PDE1A: variants seen among roughly 807,000 people sequenced by gnomAD.
PDE1A encodes the protein phosphodiesterase 1A.
A neutral mutation model predicts 61.7 loss-of-function variants in PDE1A; 35 were observed. The ratio of observed to expected loss-of-function variants is 0.57; its 90% CI spans 0.43 to 0.75. The LOEUF is 0.75. PDE1A is among the 30% of genes least tolerant of loss of function. The probability of loss-of-function intolerance (pLI) is 0.00; values close to 1 mark genes in which losing one functional copy is unlikely to be tolerated. For synonymous variants in PDE1A, 232 were observed against 213.2 expected (o/e 1.09, Z -0.77); for missense variants, 597 against 630.6 (o/e 0.95, Z 0.57).
At chr2:182,437,001 A>G (rs1280494527) in intron 2 of PDE1A, among the ~76,000 whole-genome samples, 2 of 151,976 alleles carry the variant, frequency 1.3e-5, no homozygotes, top group East Asian at 3.9e-4. Context: ...CCTAGCAGGA[A>G]TTGAGACTTG....
At chr2:182,570,489 G>A in the PDE1A span, among the ~76,000 whole-genome samples, 6 of 152,058 alleles carry the variant, frequency 3.9e-5, no homozygotes, top group African/African-American at 1.4e-4. Context: ...TCTTCACTCA[G>A]GTCTTTACAA....
intron 2 of PDE1A, among the ~76,000 whole-genome samples, chr2:182,486,212 C>T (rs1055578249): frequency 6.6e-6 from 1 of 151,804 alleles, no homozygotes; most frequent in Non-Finnish European, 1.5e-5. Flanking sequence ...CAAAAATCAT[C>T]AAAAAGTGTA....
chr2:182,394,630 G>C (rs1701600713), intron 1 of PDE1A, among the ~76,000 whole-genome samples: 1 of 152,142 alleles, frequency 6.6e-6, no homozygotes, highest in African/African-American at 2.4e-5. Context: ...GTTAAAGTAG[G>C]GTTTGTGAAT....
intron 10 of PDE1A, among the ~76,000 whole-genome samples, chr2:182,199,565 T>C (rs1267436787): frequency 6.6e-6 from 1 of 152,102 alleles, no homozygotes; most frequent in Non-Finnish European, 1.5e-5. Context: ...AAAATCTTTG[T>C]ATCTCTTTAT....
the PDE1A span, among the ~76,000 whole-genome samples, chr2:182,688,749 T>C: frequency 6.6e-6 from 1 of 151,786 alleles, no homozygotes; most frequent in Non-Finnish European, 1.5e-5. Context: ...GGATAAAGAG[T>C]CAAGACCCAT....
rs186967710 is a variant in PDE1A, at chr2:182,212,518, G to C, written c.777-6453C>G. On this transcript the variant is annotated intron_variant, in intron 7 of 13. Coordinates refer to ENST00000351439, the Ensembl canonical transcript of PDE1A. ...CATCTGAGGTACCGGGTTCATCTCA[G>C]TAGGGAGTGCCAGACAGTGGGCACA... Among the ~76,000 whole-genome samples the C allele has an allele frequency of 5.0e-3, 761 of 152,154 alleles. 6 individuals carry two copies. Among genetic ancestry groups the C allele is most frequent in the African/African-American group, 0.017 (692 of 41,526 alleles).
At chr2:182,510,472 T>A (rs1689712322) in intron 2 of PDE1A, among the ~76,000 whole-genome samples, 1 of 152,236 alleles carries the variant, frequency 6.6e-6, no homozygotes, top group Non-Finnish European at 1.5e-5. Flanking sequence ...CATATTACAT[T>A]TGACTAGCTA....
chr2:182,265,359 G>A (rs12693300), intron 1 of PDE1A, among the ~76,000 whole-genome samples: 40,280 of 152,022 alleles, frequency 0.26, 5,492 homozygotes, highest in Middle Eastern at 0.37. Context: ...ATTATTCACT[G>A]TATAAAGCAA....
At chr2:182,150,199 G>T (rs967494158) in intron 13 of PDE1A, among the ~76,000 whole-genome samples, 1 of 152,164 alleles carries the variant, frequency 6.6e-6, no homozygotes, top group South Asian at 2.1e-4. Context: ...TGAGGAGAAT[G>T]ATAAATTTCA....
chr2:182,530,098 C>G, the PDE1A span, among the ~76,000 whole-genome samples: 1 of 152,166 alleles, frequency 6.6e-6, no homozygotes. Context: ...ATTGCAAACT[C>G]TTACTAAAAA....
chr2:182,377,713 C>A (rs1056153726), intron 1 of PDE1A, among the ~76,000 whole-genome samples: 6 of 152,116 alleles, frequency 3.9e-5, no homozygotes, highest in Non-Finnish European at 7.4e-5. Flanking sequence ...AAATATGTGT[C>A]CACAAAAAGA....
intron 2 of PDE1A, among the ~76,000 whole-genome samples, chr2:182,473,996 A>T (rs1687201456): frequency 6.6e-6 from 1 of 151,980 alleles, no homozygotes; most frequent in African/African-American, 2.4e-5. Context: ...TCCTTTGGGT[A>T]TATACCCAGT....
At chr2:182,422,733 T>C (rs1167223310) in intron 1 of PDE1A, among the ~76,000 whole-genome samples, 1 of 152,128 alleles carries the variant, frequency 6.6e-6, no homozygotes, top group East Asian at 1.9e-4. Flanking sequence ...ATTATTATAA[T>C]TACCAGAGAT....
At chr2:182,388,277 C>G (rs2125369913) in intron 1 of PDE1A, among the ~76,000 whole-genome samples, 1 of 152,202 alleles carries the variant, frequency 6.6e-6, no homozygotes, top group East Asian at 1.9e-4. Flanking sequence ...CAGATTCAAC[C>G]AGACAGAAAA....
chr2:182,452,907 G>A (rs771136000), intron 2 of PDE1A, among the ~76,000 whole-genome samples: 3 of 152,110 alleles, frequency 2.0e-5, no homozygotes, highest in Non-Finnish European at 4.4e-5. Flanking sequence ...ACATGAAGCA[G>A]CCCTGTAAAT....
At chr2:182,413,701 C>T (rs1702751662) in intron 1 of PDE1A, among the ~76,000 whole-genome samples, 1 of 152,192 alleles carries the variant, frequency 6.6e-6, no homozygotes, top group African/African-American at 2.4e-5. Flanking sequence ...GTTCCACTGT[C>T]AATTTAGGAA....
the PDE1A span, among the ~76,000 whole-genome samples, chr2:182,632,814 G>A: frequency 6.6e-6 from 1 of 152,110 alleles, no homozygotes; most frequent in South Asian, 2.1e-4. Flanking sequence ...TCAAGTTCAG[G>A]ATATTATAAA....
chr2:182,670,505 T>C, the PDE1A span, among the ~76,000 whole-genome samples: 126 of 152,302 alleles, frequency 8.3e-4, no homozygotes, highest in Middle Eastern at 3.4e-3. Context: ...CAAGTCAAAG[T>C]TGGGCTAGAT....
rs571047735 is a variant in PDE1A, at chr2:182,191,829, T to A, written c.1126-2769A>T. On this transcript the variant is annotated intron_variant, in intron 10 of 13. Coordinates refer to ENST00000351439, the Ensembl canonical transcript of PDE1A. ...TGATAACTTTGGCCTGAGAAAGGCA[T>A]TATGATGATTTACTTTCTTTTTTTT... Among the ~76,000 whole-genome samples the A allele has an allele frequency of 6.6e-5, 10 of 150,688 alleles. No individual in the cohort carries two copies. The Admixed American group carries it at 6.6e-4, about 10-fold the overall frequency.
Sources: allele counts gnomAD v4.1 joint callset (sites outside exome capture counted in the v4.1 genomes callset), GRCh38; gene constraint gnomAD v4.1.1; transcripts MANE v1.5; gene names NCBI Gene and HGNC (gene_info 2026-07-23, HGNC 2026-07-21).